Variants in EYS observed in about 807,000 individuals in gnomAD.
EYS encodes protein eyes shut homolog.
A neutral mutation model predicts 282.1 loss-of-function variants in EYS; 250 were observed. The ratio of observed to expected loss-of-function variants is 0.89; its 90% CI spans 0.80 to 0.98. The LOEUF is 0.98. Among genes scored for constraint, EYS ranks in the 50% least tolerant of loss-of-function variants. The pLI is 0.00. For synonymous variants in EYS, 1,355 were observed against 1,282.9 expected, an observed-to-expected ratio of 1.06 and a Z score of -1.20; for missense variants, 4,016 against 3,709.0, an observed-to-expected ratio of 1.08 and a Z score of -2.15.
intron 8 of EYS, among the ~76,000 whole-genome samples, chr6:65,363,155 A>G (rs1764779784): frequency 6.6e-6 from 1 of 151,968 alleles, no homozygotes; most frequent in South Asian, 2.1e-4. Flanking sequence ...CTACAAAAGA[A>G]GATAAATGAT....
At chr6:65,515,961 T>G (rs550734418) in intron 2 of EYS, among the ~76,000 whole-genome samples, 1 of 151,970 alleles carries the variant, frequency 6.6e-6, no homozygotes, top group Admixed American at 6.6e-5. Flanking sequence ...ATAAAATTCT[T>G]CTTCAATATA....
At chr6:65,402,667 G>A (rs1237893590) in intron 6 of EYS, 62 bp from the exon 7 acceptor site, 3 of 1,100,350 alleles carry the variant, frequency 2.7e-6, no homozygotes, top group Non-Finnish European at 4.1e-6. Context: ...GTAATGAATG[G>A]GTTCTTACCT....
chr6:65,235,772 A>G (rs987073615), intron 12 of EYS, among the ~76,000 whole-genome samples: 1 of 152,132 alleles, frequency 6.6e-6, no homozygotes, highest in Non-Finnish European at 1.5e-5. Flanking sequence ...AGCAAAATAT[A>G]TACATTGTAG....
At chr6:64,056,821 CT>C (rs1292573774) in intron 33 of EYS, among the ~76,000 whole-genome samples, 1 of 152,128 alleles carries the variant, frequency 6.6e-6, no homozygotes, top group Admixed American at 6.6e-5. Context: ...CCACTGGGTA[CT>C]GTGAACATAA....
In EYS at chr6:64,433,418, C is replaced by T. The variant is rs551911367; in HGVS notation, c.5927+2756G>A. 2.4e-4 allele frequency among the ~76,000 whole-genome samples: 36 copies of T among 151,956 alleles called. No individual in the cohort carries two copies. In the South Asian group the frequency reaches 6.2e-3, roughly 26 times the overall value. ...TGTTTTTGACTTTTTTTCCCCAGGA[C>T]TATATTTTAAAGATACTGAAAAATA... On this transcript the variant is annotated intron_variant, in intron 28 of 42. Transcript: ENST00000503581.
At chr6:65,126,313 G>A (rs1469734538) in intron 12 of EYS, among the ~76,000 whole-genome samples, 1 of 152,064 alleles carries the variant, frequency 6.6e-6, no homozygotes, top group Non-Finnish European at 1.5e-5. Context: ...TTCTATCTCA[G>A]AACTAATCAA....
intron 12 of EYS, among the ~76,000 whole-genome samples, chr6:65,285,621 A>G (rs763314736): frequency 6.6e-6 from 1 of 152,004 alleles, no homozygotes; most frequent in Non-Finnish European, 1.5e-5. Flanking sequence ...CTGTTTATAT[A>G]ATGTAGCTGC....
intron 24 of EYS, among the ~76,000 whole-genome samples, chr6:64,613,679 T>C (rs1352153668): frequency 6.6e-6 from 1 of 152,094 alleles, no homozygotes; most frequent in African/African-American, 2.4e-5. Flanking sequence ...GATGAAATGC[T>C]GGAGGCTCAG....
At position 65,368,395 on chromosome 6, in the gene EYS, ATCT is replaced by A. The variant is rs1183134131; in HGVS notation, c.1300-14781_1300-14779del. The stretch of plus-strand genomic sequence containing the variant: ...TATGTGGTAACTTTGATTTCTATTA[ATCT>A]TCTCAGTTGAACACATCTGAAGCTT... On this transcript the variant is annotated intron_variant, in intron 8 of 42. Coordinates refer to ENST00000503581, the MANE Select transcript of EYS (RefSeq NM_001142800.2). 2.0e-5 allele frequency among the ~76,000 whole-genome samples: 3 copies of A among 151,642 alleles called. No individual in the cohort carries two copies. In the Admixed American group the frequency reaches 2.0e-4, roughly 10 times the overall value.
At chr6:64,895,371 T>C (rs1054646596) in intron 18 of EYS, among the ~76,000 whole-genome samples, 5 of 152,206 alleles carry the variant, frequency 3.3e-5, no homozygotes, top group African/African-American at 1.2e-4. Context: ...AAAGATATTT[T>C]GAAAGACCTA....
intron 7 of EYS, among the ~76,000 whole-genome samples, chr6:65,385,529 G>A (rs541150397): frequency 1.3e-5 from 2 of 151,810 alleles, no homozygotes; most frequent in South Asian, 4.2e-4. Flanking sequence ...CAGTCACTAG[G>A]CTAATTACTT....
intron 36 of EYS, among the ~76,000 whole-genome samples, chr6:63,840,752 A>T (rs1287529229): frequency 6.6e-6 from 1 of 152,088 alleles, no homozygotes; most frequent in Non-Finnish European, 1.5e-5. Context: ...ATTTTTCTAC[A>T]TAGGGATATC....
intron 12 of EYS, among the ~76,000 whole-genome samples, chr6:65,213,635 A>AT (rs1766232836): frequency 6.6e-6 from 1 of 152,182 alleles, no homozygotes; most frequent in African/African-American, 2.4e-5. Flanking sequence ...CTACAACCAC[A>AT]TAAGTCAGAT....
intron 12 of EYS, among the ~76,000 whole-genome samples, chr6:65,241,121 C>T (rs1767047491): frequency 6.6e-6 from 1 of 152,038 alleles, no homozygotes. Flanking sequence ...TGAAATTAGA[C>T]TTACATAAAA....
At chr6:64,497,903 TG>T (rs1286820566) in intron 26 of EYS, among the ~76,000 whole-genome samples, 9 of 152,264 alleles carry the variant, frequency 5.9e-5, no homozygotes, top group African/African-American at 2.2e-4. Context: ...GGTAATGACA[TG>T]CATACAGGCA....
rs1474438607 is a variant in EYS, at chr6:64,556,466, G to C, written c.5644+33757C>G. Among the ~76,000 whole-genome samples, 3 of 151,850 alleles carry C rather than the reference G, an allele frequency of 2.0e-5. No homozygotes were observed. The East Asian group carries it at 5.8e-4, about 29-fold the overall frequency. ...AAAAATACTATCAGTGGTTTCTGAG[G>C]GTCCAGAGTTTGAGTGGGGGTTATT... On this transcript the variant is annotated intron_variant, in intron 26 of 42. Coordinates refer to ENST00000503581, the MANE Select transcript of EYS (RefSeq NM_001142800.2).
At chr6:64,710,747 G>C (rs1376641074) in intron 22 of EYS, among the ~76,000 whole-genome samples, 2 of 152,216 alleles carry the variant, frequency 1.3e-5, no homozygotes, top group African/African-American at 2.4e-5. Flanking sequence ...CTTGCTCAAA[G>C]AGTGCTCTCC....
chr6:65,569,973 A>G (rs1352664747), intron 2 of EYS, among the ~76,000 whole-genome samples: 2 of 152,170 alleles, frequency 1.3e-5, no homozygotes, highest in East Asian at 3.9e-4. Flanking sequence ...GAGTGGTTAC[A>G]CTGATGTGGA....
rs544899337 is a variant in EYS at position 63,973,845 on chromosome 6, G to A, written c.7055+10538C>T. Among the ~76,000 whole-genome samples, 17 of 152,100 alleles carry A rather than the reference G, an allele frequency of 1.1e-4. 1 individual carries two copies. In the South Asian group the frequency reaches 3.1e-3, roughly 28 times the overall value. The stretch of plus-strand genomic sequence containing the variant: ...AAGTCTTTACCAAGTGTTAAGTTTT[G>A]GCTTCAAATCACTCAAGGTTTAGGT... On this transcript the variant is annotated intron_variant, in intron 35 of 42. Coordinates refer to ENST00000503581, the MANE Select transcript of EYS (RefSeq NM_001142800.2).
Sources: gnomAD v4.1 joint callset for allele counts (sites outside exome capture counted in the v4.1 genomes callset) on GRCh38, gnomAD v4.1.1 for gene constraint, MANE v1.5 for transcripts, NCBI Gene and HGNC (gene_info 2026-07-23, HGNC 2026-07-21) for gene names.